Variants in RAB3GAP2 observed in about 807,000 individuals in gnomAD.
RAB3GAP2 encodes the protein rab3 GTPase-activating protein non-catalytic subunit.
A neutral mutation model predicts 185.3 loss-of-function variants in RAB3GAP2; 87 were observed. The ratio of observed to expected loss-of-function variants is 0.47; its 90% CI spans 0.39 to 0.56. RAB3GAP2 has a LOEUF of 0.56. Among genes scored for constraint, RAB3GAP2 ranks in the 20% least tolerant of loss-of-function variants. RAB3GAP2 has a pLI of 0.00. For synonymous variants in RAB3GAP2, 554 were observed against 576.1 expected, an observed-to-expected ratio of 0.96 and a Z score of 0.55; for missense variants, 1,492 against 1,638.2, an observed-to-expected ratio of 0.91 and a Z score of 1.54.
At chr1:220,225,531 C>T (rs977088740) in intron 2 of RAB3GAP2, among the ~76,000 whole-genome samples, 1 of 152,172 alleles carries the variant, frequency 6.6e-6, no homozygotes, top group Non-Finnish European at 1.5e-5. Context: ...GATGCACCCC[C>T]CTCAAGCTGT....
Position 220,190,262 on chromosome 1 carries a change from A to C in RAB3GAP2, c.1631+115T>G, listed in dbSNP as rs979503582. The stretch of plus-strand genomic sequence containing the variant: ...TTTCCTATTTAACTTTAAAGATATC[A>C]GTCTAAAGACAAAGGAAACAACAAA... On this transcript the variant is annotated intron_variant, in intron 15 of 34. Transcript: ENST00000358951. 6 of 1,521,878 alleles carry C rather than the reference A, an allele frequency of 3.9e-6. No homozygotes were observed. In the Admixed American group the frequency reaches 6.9e-5, roughly 18 times the overall value. The allele number at this position is 1,521,878 out of a possible 1,614,324, so 94.3% of individuals were successfully genotyped here.
At chr1:220,161,246 A>C (rs1396690888) in intron 28 of RAB3GAP2, among the ~76,000 whole-genome samples, 2 of 152,152 alleles carry the variant, frequency 1.3e-5, no homozygotes, top group Non-Finnish European at 2.9e-5. Flanking sequence ...ATAACATCAA[A>C]GAGAGTAATT....
intron 1 of RAB3GAP2, chr1:220,267,349 T>C (rs1660246586): frequency 9.0e-7 from 1 of 1,112,066 alleles, no homozygotes; most frequent in Non-Finnish European, 1.4e-6. Context: ...TATATTAGGA[T>C]GTTGGAGGTG....
chr1:220,267,422 T>C, intron 1 of RAB3GAP2: 1 of 1,347,234 alleles, frequency 7.4e-7, no homozygotes, highest in Admixed American at 1.7e-5. Context: ...AGCTGAGCTT[T>C]AAATAACACC....
At position 220,170,743 on chromosome 1, in the gene RAB3GAP2, A is replaced by G. The variant is rs1658158392; in HGVS notation, c.2806+149T>C. On this transcript the variant is annotated intron_variant, in intron 24 of 34. Transcript: ENST00000358951. ...ACTGACCAAATGAGACTTTAGAGAA[A>G]ATTAATTTAAAGGTAGTATATAGAA... The G allele has an allele frequency of 3.4e-5, 24 of 715,048 alleles. 1 individual carries two copies. In the South Asian group the frequency reaches 4.2e-4, roughly 13 times the overall value. 44.3% of individuals were successfully genotyped at this position (715,048 alleles called of 1,614,324 possible).
chr1:220,206,487 G>A (rs551778618), intron 7 of RAB3GAP2, among the ~76,000 whole-genome samples: 65 of 152,050 alleles, frequency 4.3e-4, no homozygotes, highest in African/African-American at 1.5e-3. Context: ...ATCATTTTTT[G>A]TTGTGGCTGC....
chr1:220,157,976 C>G (rs952314660), intron 29 of RAB3GAP2, 100 bp from the exon 30 acceptor site: 3 of 880,840 alleles, frequency 3.4e-6, no homozygotes, highest in East Asian at 2.6e-5. Flanking sequence ...GTTCAGCTGA[C>G]TTTCCACACT....
At chr1:220,201,530 C>T (rs1348135587) in intron 9 of RAB3GAP2, among the ~76,000 whole-genome samples, 2 of 152,096 alleles carry the variant, frequency 1.3e-5, no homozygotes, top group African/African-American at 2.4e-5. Flanking sequence ...GACAGAGTCT[C>T]GCTCTGTCAC....
intron 4 of RAB3GAP2, chr1:220,211,364 C>T (rs1008388078): frequency 4.2e-6 from 2 of 474,210 alleles, no homozygotes; most frequent in African/African-American, 2.0e-5. Context: ...CTCTCTCTCT[C>T]CTCTGCTTCA....
At chr1:220,172,588 A>G (rs1163438595) in intron 22 of RAB3GAP2, 49 bp downstream of exon 22, 1 of 1,287,532 alleles carries the variant, frequency 7.8e-7, no homozygotes, top group Non-Finnish European at 1.1e-6. Context: ...TCTTTTTGTG[A>G]CATTTCAAAC....
chr1:220,201,797 G>A (rs1012448693), intron 9 of RAB3GAP2, among the ~76,000 whole-genome samples: 2 of 152,116 alleles, frequency 1.3e-5, no homozygotes, highest in Non-Finnish European at 1.5e-5. Context: ...ATCATGCCCA[G>A]TTTTAAAGAT....
intron 21 of RAB3GAP2, among the ~76,000 whole-genome samples, chr1:220,173,022 T>C (rs1451118997): frequency 6.6e-6 from 1 of 152,220 alleles, no homozygotes; most frequent in Non-Finnish European, 1.5e-5. Context: ...TTAAGGAGCA[T>C]ATTACCAGAC....
chr1:220,222,208 G>A (rs895757247), intron 2 of RAB3GAP2, among the ~76,000 whole-genome samples: 1 of 151,952 alleles, frequency 6.6e-6, no homozygotes, highest in Non-Finnish European at 1.5e-5. Flanking sequence ...AGTTACTAAG[G>A]ATTTTTTCTT....
rs143376489 is a variant in RAB3GAP2, at chr1:220,237,614, A to G, written c.116-4751T>C. Among the ~76,000 whole-genome samples, 228 of 152,350 alleles carry G rather than the reference A, an allele frequency of 1.5e-3. 2 individuals are homozygous for G. The highest frequency in any genetic ancestry group is 5.4e-3 in the African/African-American group (224 of 41,580). On this transcript the variant is annotated intron_variant, in intron 1 of 34. Coordinates refer to ENST00000358951, the MANE Select transcript of RAB3GAP2 (RefSeq NM_012414.4). ...GAGATTCTGTTTCAGGAGGTCTGCAATGGATACAGGAATCTCTATTTAACA... is the reference window on the plus strand; with the variant it reads ...GAGATTCTGTTTCAGGAGGTCTGCAGTGGATACAGGAATCTCTATTTAACA...
At chr1:220,267,970 A>T (rs1047275391) in intron 1 of RAB3GAP2, 9 of 596,160 alleles carry the variant, frequency 1.5e-5, no homozygotes, top group African/African-American at 3.7e-5. Flanking sequence ...CAATAAAAGC[A>T]CTTTTAAACC....
chr1:220,166,207 A>G (rs1658059092), intron 26 of RAB3GAP2, among the ~76,000 whole-genome samples: 1 of 152,172 alleles, frequency 6.6e-6, no homozygotes, highest in African/African-American at 2.4e-5. Flanking sequence ...CTTTATTTAA[A>G]TCACTTACTT....
At chr1:220,253,950 T>C (rs1659986097) in intron 1 of RAB3GAP2, 1 of 1,613,500 alleles carries the variant, frequency 6.2e-7, no homozygotes, top group Non-Finnish European at 8.5e-7. Context: ...GCAGTACCAG[T>C]GAGACCCCTC....
intron 1 of RAB3GAP2, among the ~76,000 whole-genome samples, chr1:220,254,845 C>G (rs1660005875): frequency 6.6e-6 from 1 of 151,540 alleles, no homozygotes. Context: ...TCCTTTGACA[C>G]TATGCACTTT....
At chr1:220,176,112 CAGG>C (rs1022946091) in intron 21 of RAB3GAP2, among the ~76,000 whole-genome samples, 15 of 151,948 alleles carry the variant, frequency 9.9e-5, no homozygotes, top group African/African-American at 2.9e-4. Flanking sequence ...ACACATATAA[CAGG>C]AGAAGAGTCT....
Sources: gnomAD v4.1 joint callset for allele counts (sites outside exome capture counted in the v4.1 genomes callset) on GRCh38, gnomAD v4.1.1 for gene constraint, MANE v1.5 for transcripts, NCBI Gene and HGNC (gene_info 2026-07-23, HGNC 2026-07-21) for gene names.